Variants in CRMP1 observed in about 807,000 individuals in gnomAD.
The protein encoded by CRMP1 is collapsin response mediator protein 1.
In CRMP1, 19 loss-of-function variants were observed where a neutral mutation model predicts 68.3. The ratio of observed to expected loss-of-function variants is 0.28; its 90% confidence interval spans 0.19 to 0.41. The LOEUF (loss-of-function observed/expected upper bound fraction) is 0.41. Ranked by LOEUF, CRMP1 falls within the 10% of genes least tolerant of loss-of-function variation. The probability of loss-of-function intolerance (pLI) is 1.00; values close to 1 mark genes in which losing one functional copy is unlikely to be tolerated. For missense variants in CRMP1, 791 were observed against 967.4 expected (o/e 0.82, Z 2.42); for synonymous variants, 439 against 399.6 (o/e 1.10, Z -1.18).
chr4:5,832,560 T>C (rs1245022380), intron 11 of CRMP1, among the ~76,000 whole-genome samples: 2 of 152,258 alleles, frequency 1.3e-5, no homozygotes, highest in Non-Finnish European at 2.9e-5. Flanking sequence ...AACGAACCTC[T>C]AAGCATTTCT....
intron 8 of CRMP1, among the ~76,000 whole-genome samples, chr4:5,840,245 T>A (rs1381271521): frequency 6.6e-6 from 1 of 152,164 alleles, no homozygotes. Context: ...GAGTTGGATG[T>A]GTTTCTGTCA....
Position 5,855,499 on chromosome 4 carries a change from G to A in CRMP1, c.820+644C>T, listed in dbSNP as rs1198505888. Among the ~76,000 whole-genome samples, 1 of 152,106 alleles carries A rather than the reference G, an allele frequency of 6.6e-6. No individual in the cohort carries two copies. Among genetic ancestry groups the A allele is most frequent in the Non-Finnish European group, 1.5e-5 (1 of 68,008 alleles). On this transcript the variant is annotated intron_variant, in intron 4 of 13. Coordinates refer to ENST00000324989, the MANE Select transcript of CRMP1 (RefSeq NM_001014809.3). This position sits in a 1 kb window ranked among gnomAD's most constrained non-coding sequence, Gnocchi z 4.9. ...AGTTCGATGTAACACACACCATAAA[G>A]GTCTACACTGTGCTGGTGTGAACCC...
intron 11 of CRMP1, among the ~76,000 whole-genome samples, chr4:5,831,527 A>T (rs908179220): frequency 3.9e-5 from 6 of 152,134 alleles, no homozygotes; most frequent in Non-Finnish European, 8.8e-5. Context: ...TGGCTCCACT[A>T]TGGAGTGATT....
chr4:5,839,551 C>T lies in CRMP1; in HGVS notation c.1281G>A (p.Thr427=), dbSNP rs140543392. ...CCAGTAGGGAGGTCAAGTAGTCGGG[C>T]GTGGTAGGGTCCGGGCTCAGGGGAG... ...TSPPLSPDPT[T]PDYLTSLLAC... Residue 427 remains threonine (T), a synonymous_variant, in exon 9 of 14, where the codon ACG becomes ACA. Transcript: ENST00000324989. 1,659 of 1,611,098 alleles carry T rather than the reference C, an allele frequency of 1.0e-3. 1 individual carries two copies. Among genetic ancestry groups the T allele is most frequent in the Middle Eastern group, 4.2e-3 (25 of 6,022 alleles).
At chr4:5,862,383 CTAATAA>C (rs1244589968) in intron 2 of CRMP1, among the ~76,000 whole-genome samples, 1 of 152,172 alleles carries the variant, frequency 6.6e-6, no homozygotes, top group Non-Finnish European at 1.5e-5. Context: ...ACCACCACTA[CTAATAA>C]TAACACCAGA....
chr4:5,882,190 T>TG lies in CRMP1; in HGVS notation c.381+10398dup, dbSNP rs1277693644. On this transcript the variant is annotated intron_variant, in intron 1 of 13. Coordinates refer to ENST00000324989, the MANE Select transcript of CRMP1 (RefSeq NM_001014809.3). Reference sequence around the variant, plus strand: ...CGATTTAGAGCTTGATCATACAACTTGCTTTGGCCAGTACACTATCAGCAG... The same window carrying TG: ...CGATTTAGAGCTTGATCATACAACTTGGCTTTGGCCAGTACACTATCAGCAG... 3.7e-4 allele frequency among the ~76,000 whole-genome samples: 57 copies of TG among 152,224 alleles called. 1 individual carries two copies.
In CRMP1 at chr4:5,841,391, G is replaced by A. The variant is rs750102720; in HGVS notation, c.1070C>T (p.Ala357Val). 3.1e-6 allele frequency: 5 copies of A among 1,614,152 alleles called. No individual in the cohort carries two copies. Among genetic ancestry groups the A allele is most frequent in the East Asian group, 2.2e-5 (1 of 44,880 alleles). Residue 357 changes from alanine (A) to valine (V), a missense_variant, in exon 8 of 14, where the codon GCG becomes GTG. Around this residue, in one of 3 missense-constraint regions of CRMP1, gnomAD observed 594 missense variants for 763.6 expected, o/e 0.78. Coordinates refer to ENST00000324989, the MANE Select transcript of CRMP1 (RefSeq NM_001014809.3). The surrounding 1 kb of genome is among the most constrained non-coding windows in gnomAD (Gnocchi z 6.9). ...AEAVFRAITI[A>V]GRINCPVYIT... ...GTACACAGGGCAGTTGATCCGGCCC[G>A]CAATGGTGATGGCCCGGAACACCGC...
chr4:5,856,381 C>T (rs557099830), intron 3 of CRMP1, 74 bp from the exon 4 acceptor site: 113 of 1,280,262 alleles, frequency 8.8e-5, no homozygotes, highest in Admixed American at 3.8e-4. Flanking sequence ...TTACCACTAC[C>T]ACCATCATCA....
Position 5,825,274 on chromosome 4 carries a change from T to TACC in CRMP1, c.1969+217_1969+219dup. On this transcript the variant is annotated intron_variant, in intron 13 of 13. Coordinates refer to ENST00000324989, the MANE Select transcript of CRMP1 (RefSeq NM_001014809.3). The surrounding 1 kb of genome is among the most constrained non-coding windows in gnomAD (Gnocchi z 4.4). ...CCTCTCTTTGTAAACCCACATCAGG[T>TACC]ACCACCATGTTGCCCCCCTAACATG... 2 of 985,284 alleles carry TACC rather than the reference T, an allele frequency of 2.0e-6. No homozygotes were observed. The highest frequency in any genetic ancestry group is 2.4e-6 in the Non-Finnish European group (2 of 829,910). The allele number at this position is 985,284 out of a possible 1,614,324, so 61.0% of individuals were successfully genotyped here.
In CRMP1 at chr4:5,858,651, G is replaced by A. The variant is rs957475884; in HGVS notation, c.656-2344C>T. 2.6e-5 allele frequency among the ~76,000 whole-genome samples: 4 copies of A among 152,094 alleles called. No individual in the cohort carries two copies. Among genetic ancestry groups the A allele is most frequent in the Non-Finnish European group, 4.4e-5 (3 of 68,016 alleles). ...AACTGGTCCAGACACATCCCATCCA[G>A]GCCACTCTATTACCGGTCTCTCCAA... On this transcript the variant is annotated intron_variant, in intron 3 of 13. Transcript: ENST00000324989. This position sits in a 1 kb window ranked among gnomAD's most constrained non-coding sequence, Gnocchi z 5.5.
chr4:5,827,673 CACGT>C (rs1022907605), intron 12 of CRMP1, among the ~76,000 whole-genome samples: 14 of 151,984 alleles, frequency 9.2e-5, no homozygotes, highest in African/African-American at 2.9e-4. Context: ...CACACATACA[CACGT>C]GCATGCATGT....
chr4:5,823,730 G>A (rs1719067926), intron 13 of CRMP1, among the ~76,000 whole-genome samples: 1 of 152,184 alleles, frequency 6.6e-6, no homozygotes, highest in Non-Finnish European at 1.5e-5. Context: ...GTAGCCTGAG[G>A]CCCTCACCAG....
rs372328737 is a variant in CRMP1 at position 5,888,113 on chromosome 4, C to A, written c.381+4476G>T. ...ACCGGCCCCGCCCCACCCGCGGCGA[C>A]GCAGGAGGCCTCGGGGGGCGCCCCT... On this transcript the variant is annotated intron_variant, in intron 1 of 13. Coordinates refer to ENST00000324989, the MANE Select transcript of CRMP1 (RefSeq NM_001014809.3). The surrounding 1 kb of genome is among the most constrained non-coding windows in gnomAD (Gnocchi z 6.4). The A allele has an allele frequency of 1.8e-4, 209 of 1,175,762 alleles. 1 individual carries two copies. The East Asian group carries it at 5.2e-3, about 29-fold the overall frequency. 72.8% of individuals were successfully genotyped at this position (1,175,762 alleles called of 1,614,324 possible).
intron 1 of CRMP1, among the ~76,000 whole-genome samples, chr4:5,868,257 A>ATATCTATCTATC (rs1201999131): frequency 1.1e-4 from 9 of 82,364 alleles, no homozygotes; most frequent in Non-Finnish European, 2.1e-4. Flanking sequence ...TCATGACTAT[A>ATATCTATCTATC]TATCTATATA....
Position 5,849,389 on chromosome 4 carries a change from C to T in CRMP1, c.963+3G>A, listed in dbSNP as rs1004327907. The T allele has an allele frequency of 1.1e-5, 18 of 1,612,374 alleles. No individual in the cohort carries two copies. Among genetic ancestry groups the T allele is most frequent in the Non-Finnish European group, 1.5e-5 (18 of 1,178,728 alleles). ...AGAAGGAGTGGAAATTCTTGCCACT[C>T]ACCTGAGCTATCAAATCTCCATTTT... On this transcript the variant is annotated splice_donor_region_variant and intron_variant, in intron 6 of 13. Coordinates refer to ENST00000324989, the MANE Select transcript of CRMP1 (RefSeq NM_001014809.3).
chr4:5,890,042 C>A lies in CRMP1; in HGVS notation c.381+2547G>T. ...GTTCCCCTACACTCTGTTTACAACT[C>A]ATTTCCCTCCACGCATTCATGCATC... is the stretch of plus-strand genomic sequence containing the variant. On this transcript the variant is annotated intron_variant, in intron 1 of 13. Transcript: ENST00000324989. This position sits in a 1 kb window ranked among gnomAD's most constrained non-coding sequence, Gnocchi z 5.5. 1.6e-6 allele frequency: 1 copy of A among 612,592 alleles called. No individual in the cohort carries two copies. Among genetic ancestry groups the A allele is most frequent in the Non-Finnish European group, 2.2e-6 (1 of 460,190 alleles). 37.9% of individuals were successfully genotyped at this position (612,592 alleles called of 1,614,324 possible).
rs959655845 is a variant in CRMP1 at position 5,870,488 on chromosome 4, C to A, written c.382-3732G>T. ...TGCACAGCACTTGTCTTTACTAGAC[C>A]GTGAGCTCCACGGAGGCAACGGACT... On this transcript the variant is annotated intron_variant, in intron 1 of 13. Transcript: ENST00000324989. The surrounding 1 kb of genome is among the most constrained non-coding windows in gnomAD (Gnocchi z 6.0). Among the ~76,000 whole-genome samples, 1 of 152,210 alleles carries A rather than the reference C, an allele frequency of 6.6e-6. No individual in the cohort carries two copies. Among genetic ancestry groups the A allele is most frequent in the African/African-American group, 2.4e-5 (1 of 41,444 alleles).
rs1205965019 is a variant in CRMP1 at position 5,868,290 on chromosome 4, T to TATATATATATATATATATATAG, written c.382-1535_382-1534insCTATATATATATATATATATAT. On this transcript the variant is annotated intron_variant, in intron 1 of 13. Transcript: ENST00000324989. ...ATATATATATATATATATATATATATATATATATATATACATAATTTTTTT... is the reference window on the plus strand; with the variant it reads ...ATATATATATATATATATATATATATATATATATATATATATATATAGATATATATATATACATAATTTTTTT... 1.5e-3 allele frequency among the ~76,000 whole-genome samples: 192 copies of TATATATATATATATATATATAG among 131,346 alleles called. 3 individuals are homozygous for TATATATATATATATATATATAG. Among genetic ancestry groups the TATATATATATATATATATATAG allele is most frequent in the African/African-American group, 5.0e-3 (152 of 30,592 alleles). 86.2% of individuals were successfully genotyped at this position (131,346 alleles called of 152,430 possible).
rs1718438902 is a variant in CRMP1 at position 5,820,980 on chromosome 4, C to G, written c.*780G>C. On this transcript the variant is annotated 3_prime_UTR_variant, in exon 14 of 14. Transcript: ENST00000324989. ...CACGCAGGGGCAGCCATCAGCCCCCCATCGTCAGCCCCGAATGGGGATGGG... is the reference window on the plus strand; with the variant it reads ...CACGCAGGGGCAGCCATCAGCCCCCGATCGTCAGCCCCGAATGGGGATGGG... 6.6e-6 allele frequency: 1 copy of G among 152,264 alleles called. No individual in the cohort carries two copies. The highest frequency in any genetic ancestry group is 1.5e-5 in the Non-Finnish European group (1 of 68,062). The allele number at this position is 152,264 out of a possible 1,614,324, so 9.4% of individuals were successfully genotyped here.
Sources: allele counts gnomAD v4.1 joint callset (sites outside exome capture counted in the v4.1 genomes callset), GRCh38; gene constraint gnomAD v4.1.1; regional missense constraint gnomAD v4.1.1; non-coding constraint Gnocchi (gnomAD v3.1); transcripts MANE v1.5; gene names NCBI Gene and HGNC (gene_info 2026-07-23, HGNC 2026-07-21).